CNKSR3: variants seen among roughly 807,000 people sequenced by gnomAD.
The protein encoded by CNKSR3 is connector enhancer of kinase suppressor of ras 3.
In CNKSR3, 36 loss-of-function variants were observed where a neutral mutation model predicts 67.7. The observed-to-expected ratio is 0.53, with a 90% CI of 0.41 to 0.70. The LOEUF (loss-of-function observed/expected upper bound fraction) is 0.70, where lower values mean the gene tolerates loss of function less well. Among genes scored for constraint, CNKSR3 ranks in the 30% least tolerant of loss-of-function variants. The pLI, the probability that CNKSR3 is intolerant of heterozygous loss-of-function variation, is 0.00. For missense variants in CNKSR3, 630 were observed against 695.2 expected, an observed-to-expected ratio of 0.91 and a Z score of 1.05; for synonymous variants, 281 against 271.4, an observed-to-expected ratio of 1.04 and a Z score of -0.35.
At chr6:154,468,051 C>T (rs12204621) in intron 1 of CNKSR3, among the ~76,000 whole-genome samples, 51,125 of 146,220 alleles carry the variant, frequency 0.35, 9,429 homozygotes, top group African/African-American at 0.47. Flanking sequence ...TGAGCCACCA[C>T]GCCTAGGCTT....
rs1342066829 is a variant in CNKSR3 at position 154,401,477 on chromosome 6, T to C, written c.*4877A>G. 6.5e-6 allele frequency: 1 copy of C among 153,076 alleles called. No homozygotes were observed. The highest frequency in any genetic ancestry group is 2.1e-4 in the South Asian group (1 of 4,840). The allele number at this position is 153,076 out of a possible 1,614,324, so 9.5% of individuals were successfully genotyped here. A position where few individuals can be genotyped will look rare whatever the true frequency, so the allele number is the denominator to read the frequency against. On this transcript the variant is annotated 3_prime_UTR_variant, in exon 13 of 13. Transcript: ENST00000607772. ...CCCAGCCTCCAGAACGGTGAGAAAT[T>C]TCTGTCATTTAAGCTACCCAGTGTA...
rs1478812965 is a variant in CNKSR3 at position 154,392,573 on chromosome 6, C to T, written c.*13781G>A. Reference sequence around the variant, plus strand: ...ACCCTCAGAATCCAAAAGAGGGTCCCGAAACCTTGTGGGGATTGTAAGCTC... The same window carrying T: ...ACCCTCAGAATCCAAAAGAGGGTCCTGAAACCTTGTGGGGATTGTAAGCTC... On this transcript the variant is annotated 3_prime_UTR_variant, in exon 13 of 13. Coordinates refer to ENST00000607772, the MANE Select transcript of CNKSR3 (RefSeq NM_173515.4). 1.3e-5 allele frequency: 2 copies of T among 152,210 alleles called. No individual in the cohort carries two copies. The highest frequency in any genetic ancestry group is 6.5e-5 in the Admixed American group (1 of 15,278). The allele number at this position is 152,210 out of a possible 1,614,324, so 9.4% of individuals were successfully genotyped here.
At chr6:154,428,694 T>A (rs1189307177) in intron 6 of CNKSR3, among the ~76,000 whole-genome samples, 1 of 151,956 alleles carries the variant, frequency 6.6e-6, no homozygotes, top group African/African-American at 2.4e-5. Flanking sequence ...AATTATTTTT[T>A]TTTTTTAATA....
intron 2 of CNKSR3, among the ~76,000 whole-genome samples, chr6:154,447,262 T>C (rs1785726217): frequency 6.6e-6 from 1 of 152,198 alleles, no homozygotes; most frequent in African/African-American, 2.4e-5. Context: ...ACTAGCCACA[T>C]GGAGCTTCTG....
intron 1 of CNKSR3, among the ~76,000 whole-genome samples, chr6:154,477,606 C>T (rs1378385572): frequency 6.6e-6 from 1 of 152,202 alleles, no homozygotes; most frequent in East Asian, 1.9e-4. Context: ...CAGAAGTGAG[C>T]CACGGTGTCT....
chr6:154,408,785 T>C (rs73790962), intron 12 of CNKSR3, among the ~76,000 whole-genome samples: 10,768 of 152,234 alleles, frequency 0.071, 822 homozygotes, highest in East Asian at 0.22. Context: ...AAGAGTTATA[T>C]CTCAATAAAA....
chr6:154,409,510 A>G (rs1784864683), intron 12 of CNKSR3, among the ~76,000 whole-genome samples: 1 of 152,192 alleles, frequency 6.6e-6, no homozygotes, highest in Non-Finnish European at 1.5e-5. Flanking sequence ...TTTGTTCATC[A>G]GAAATCAAAC....
chr6:154,418,648 A>G (rs1166387967), intron 9 of CNKSR3, among the ~76,000 whole-genome samples: 1 of 152,216 alleles, frequency 6.6e-6, no homozygotes, highest in Non-Finnish European at 1.5e-5. Context: ...TGGAATGTTA[A>G]GCATCATATT....
At chr6:154,421,303 C>A (rs976661154) in intron 9 of CNKSR3, among the ~76,000 whole-genome samples, 14 of 152,218 alleles carry the variant, frequency 9.2e-5, no homozygotes, top group Admixed American at 7.2e-4. Flanking sequence ...CGTGAGCCAC[C>A]ACACTCGGCC....
At chr6:154,497,153 G>A (rs1786896404) in intron 1 of CNKSR3, among the ~76,000 whole-genome samples, 2 of 152,042 alleles carry the variant, frequency 1.3e-5, no homozygotes, top group South Asian at 2.1e-4. Flanking sequence ...TGAGGCAGGA[G>A]GATCGTTTTG....
rs1784609346 is a variant in CNKSR3, at chr6:154,391,787, AC to A, written c.*14566del. On this transcript the variant is annotated 3_prime_UTR_variant, in exon 13 of 13. Transcript: ENST00000607772. ...GGGCTAATGCAACTCTCTGTCACATACCTGTAGCTTCCTTCCTTTCCCACAA... is the reference window on the plus strand; with the variant it reads ...GGGCTAATGCAACTCTCTGTCACATACTGTAGCTTCCTTCCTTTCCCACAA... 1.3e-5 allele frequency: 2 copies of A among 152,170 alleles called. No homozygotes were observed. Among genetic ancestry groups the A allele is most frequent in the South Asian group, 4.1e-4 (2 of 4,820 alleles). 9.4% of individuals were successfully genotyped at this position (152,170 alleles called of 1,614,324 possible).
At chr6:154,441,203 T>C in intron 4 of CNKSR3, 89 bp downstream of exon 4, 1 of 949,712 alleles carries the variant, frequency 1.1e-6, no homozygotes. Context: ...AGAGTAGTAC[T>C]TCATACCTGC....
At chr6:154,415,228 A>ATTTTTTTTTTTTTTTTTTTTTTTTTTTTT (rs35873703) in intron 9 of CNKSR3, among the ~76,000 whole-genome samples, 17 of 118,114 alleles carry the variant, frequency 1.4e-4, no homozygotes, top group South Asian at 3.1e-4. Context: ...CTAGCTGCCC[A>ATTTTTTTTTTTTTTTTTTTTTTTTTTTTT]TTTTTTTTTT....
At position 154,397,496 on chromosome 6, in the gene CNKSR3, A is replaced by C. The variant is rs1784672920; in HGVS notation, c.*8858T>G. ...ATCATTGGCATGGCCATGAACACAA[A>C]CAATATAAAATGCCAATTTAACCAA... On this transcript the variant is annotated 3_prime_UTR_variant, in exon 13 of 13. Coordinates refer to ENST00000607772, the MANE Select transcript of CNKSR3 (RefSeq NM_173515.4). 6.6e-6 allele frequency: 1 copy of C among 152,242 alleles called. No homozygotes were observed. Among genetic ancestry groups the C allele is most frequent in the South Asian group, 2.1e-4 (1 of 4,832 alleles). 9.4% of individuals were successfully genotyped at this position (152,242 alleles called of 1,614,324 possible).
At chr6:154,409,945 G>C (rs1784874492) in intron 12 of CNKSR3, among the ~76,000 whole-genome samples, 1 of 151,806 alleles carries the variant, frequency 6.6e-6, no homozygotes, top group East Asian at 1.9e-4. Context: ...TACTCAGGAG[G>C]CTGAGGCAGG....
chr6:154,483,102 C>A (rs1786598025), intron 1 of CNKSR3, among the ~76,000 whole-genome samples: 1 of 152,136 alleles, frequency 6.6e-6, no homozygotes, highest in Non-Finnish European at 1.5e-5. Context: ...GCATCTTGGA[C>A]GAAGGACAGG....
chr6:154,483,436 C>T (rs868827376), intron 1 of CNKSR3, among the ~76,000 whole-genome samples: 1 of 152,132 alleles, frequency 6.6e-6, no homozygotes, highest in South Asian at 2.1e-4. Context: ...CTGCCCAGCA[C>T]TACCAATGGG....
At chr6:154,422,406 G>T in intron 9 of CNKSR3, 100 bp downstream of exon 9, 2 of 1,209,198 alleles carry the variant, frequency 1.7e-6, no homozygotes, top group South Asian at 1.4e-5. Context: ...ACAAACTCCT[G>T]AAACCAATCA....
chr6:154,450,310 C>T (rs759659835), intron 1 of CNKSR3, 52 bp from the exon 2 acceptor site: 44 of 1,569,426 alleles, frequency 2.8e-5, no homozygotes, highest in Non-Finnish European at 1.6e-5. Context: ...CCTTTACCCA[C>T]CCCCTGCAAA....
Sources: gnomAD v4.1 joint callset for allele counts (sites outside exome capture counted in the v4.1 genomes callset) on GRCh38, gnomAD v4.1.1 for gene constraint, MANE v1.5 for transcripts, NCBI Gene and HGNC (gene_info 2026-07-23, HGNC 2026-07-21) for gene names.